Variants in NID2 observed in about 807,000 individuals in gnomAD.
The protein encoded by NID2 is nidogen 2.
In NID2, 83 loss-of-function variants were observed where a neutral mutation model predicts 145.4. The ratio of observed to expected loss-of-function variants is 0.57; its 90% confidence interval spans 0.48 to 0.69. The LOEUF (loss-of-function observed/expected upper bound fraction) is 0.69. NID2 is among the 30% of genes least tolerant of loss of function. The pLI, the probability that NID2 is intolerant of heterozygous loss-of-function variation, is 0.00. For missense variants in NID2, 1,807 were observed against 1,765.7 expected (o/e 1.02, Z -0.42); for synonymous variants, 739 against 701.3 (o/e 1.05, Z -0.85).
chr14:52,068,835 C>T lies in NID2; in HGVS notation c.160G>A (p.Glu54Lys). The change falls in exon 1 of 22, where the codon GAA becomes AAA. Residue 54 changes from glutamate to lysine, a missense_variant. Transcript: ENST00000216286. ...GDQLLQEGDD[E>K]SSAVVKLANP... ...GCCAGCTTCACCACGGCTGAGCTTTCGTCGTCGCCTTCCTGCAGGAGCTGG... is the reference window on the plus strand; with the variant it reads ...GCCAGCTTCACCACGGCTGAGCTTTTGTCGTCGCCTTCCTGCAGGAGCTGG... 2.5e-6 allele frequency: 4 copies of T among 1,612,636 alleles called. No individual in the cohort carries two copies. The highest frequency in any genetic ancestry group is 3.4e-6 in the Non-Finnish European group (4 of 1,180,006).
chr14:52,057,671 C>G (rs1253148798), intron 3 of NID2, among the ~76,000 whole-genome samples: 1 of 133,046 alleles, frequency 7.5e-6, no homozygotes, highest in East Asian at 2.1e-4. Flanking sequence ...CCACTACACT[C>G]CAGCCTGGGC....
intron 18 of NID2, chr14:52,008,727 A>G (rs1890890198): frequency 1.3e-5 from 2 of 152,218 alleles, no homozygotes; most frequent in Non-Finnish European, 2.9e-5. Flanking sequence ...ATAGAAACAA[A>G]TACAGCTGTT....
intron 2 of NID2, 25 bp from the exon 3 acceptor site, chr14:52,060,381 A>AG (rs1892989056): frequency 9.3e-7 from 1 of 1,078,172 alleles, no homozygotes; most frequent in Non-Finnish European, 1.3e-6. Context: ...AAAAAAAAAG[A>AG]GAGAGAGAGA....
At chr14:52,046,108 G>A (rs1414559544) in intron 5 of NID2, among the ~76,000 whole-genome samples, 1 of 152,088 alleles carries the variant, frequency 6.6e-6, no homozygotes. Flanking sequence ...CGGATCACGA[G>A]GTCAGGAGAC....
At position 52,019,268 on chromosome 14, in the gene NID2, C is replaced by T. The variant is rs765187493; in HGVS notation, c.2821G>A (p.Glu941Lys). The T allele has an allele frequency of 1.3e-6, 2 of 1,597,254 alleles. No homozygotes were observed. The highest frequency in any genetic ancestry group is 2.2e-5 in the South Asian group (2 of 90,400). Residue 941 changes from glutamate (E) to lysine (K), a missense_variant, in exon 14 of 22, where the codon GAA becomes AAA. Transcript: ENST00000216286. ...PDSTSSLTPC[E>K]QQQRHAQAQY... ...GCCTGGGCATGGCGCTGCTGTTGTT[C>T]ACAGGGTGTCAGGCTTGAGGTGGAG...
At position 52,038,758 on chromosome 14, in the gene NID2, C is replaced by T. The variant is rs776745269; in HGVS notation, c.2246G>A (p.Gly749Asp). ...AAAGGAAACCTTACCTTTGACCGGG[C>T]CAATTTGATTGGTCACAGCAAATCT... ...VLRFAVTNQIGPVKEDSDPTP... is the reference protein window; with the variant it reads ...VLRFAVTNQIDPVKEDSDPTP... The change falls in exon 9 of 22, where the codon GGC (glycine) becomes GAC (aspartate). Residue 749 changes from glycine to aspartate, a missense_variant. Coordinates refer to ENST00000216286, the MANE Select transcript of NID2 (RefSeq NM_007361.4). The T allele has an allele frequency of 1.6e-5, 26 of 1,575,926 alleles. No homozygotes were observed. The highest frequency in any genetic ancestry group is 2.2e-5 in the Non-Finnish European group (26 of 1,161,896).
rs374609101 is a variant in NID2 at position 52,039,729 on chromosome 14, A to G, written c.2027-752T>C. 1.1e-4 allele frequency among the ~76,000 whole-genome samples: 16 copies of G among 152,380 alleles called. No homozygotes were observed. In the East Asian group the frequency reaches 3.1e-3, roughly 29 times the overall value. On this transcript the variant is annotated intron_variant, in intron 8 of 21. Transcript: ENST00000216286. ...TGGAGGCAGCATCCTGTGCGCAGGT[A>G]GTACTTTCACAGAACACATCACGCT...
chr14:52,011,896 G>T, intron 16 of NID2: 1 of 534,942 alleles, frequency 1.9e-6, no homozygotes, highest in South Asian at 2.3e-5. Context: ...ACCTCTATGC[G>T]TTTGTCTCAT....
rs750222305 is a variant in NID2 at position 52,019,053 on chromosome 14, A to G, written c.3028+8T>C. 6 of 1,609,590 alleles carry G rather than the reference A, an allele frequency of 3.7e-6. No homozygotes were observed. The highest frequency in any genetic ancestry group is 5.1e-6 in the Non-Finnish European group (6 of 1,176,484). ...ATTCTGCTTCTTGAGCCCCAGGCCT[A>G]AGCTCACCTGGTGATGGTCCACAGT... On this transcript the variant is annotated splice_region_variant and intron_variant, in intron 14 of 21. Transcript: ENST00000216286.
At chr14:52,022,499 CT>C (rs1471828838) in intron 12 of NID2, among the ~76,000 whole-genome samples, 1 of 152,168 alleles carries the variant, frequency 6.6e-6, no homozygotes, top group African/African-American at 2.4e-5. Context: ...TTTCAGCCCC[CT>C]GGCAAGGGAG....
Position 52,017,332 on chromosome 14 carries a change from G to A in NID2, c.3028+1729C>T, listed in dbSNP as rs375941024. On this transcript the variant is annotated intron_variant, in intron 14 of 21. Transcript: ENST00000216286. ...TTCTCTTGTGCTTCTGGTTGGCAAG[G>A]GTTTAAGTATTTTGAAATTGTGGGC... is the stretch of plus-strand genomic sequence containing the variant. 1.7e-3 allele frequency among the ~76,000 whole-genome samples: 261 copies of A among 152,142 alleles called. 2 individuals are homozygous for A. Among genetic ancestry groups the A allele is most frequent in the African/African-American group, 5.6e-3 (232 of 41,478 alleles).
In NID2 at chr14:52,007,907, A is replaced by G. The variant is rs1052510124; in HGVS notation, c.3783T>C (p.Asp1261=). The G allele has an allele frequency of 3.1e-6, 5 of 1,613,934 alleles. No individual in the cohort carries two copies. The highest frequency in any genetic ancestry group is 1.3e-5 in the African/African-American group (1 of 75,046). Residue 1261 remains aspartate (D), a synonymous_variant, in exon 19 of 22, where the codon GAT becomes GAC. Transcript: ENST00000216286. ...TGATCAGAATTCTTCTGTTTTCTCC[A>G]TCTAAAGATGACGTTTCAATTTTAG... ...EAPKIETSSL[D]GENRRILINT...
intron 20 of NID2, chr14:52,006,296 C>CTT (rs2140337623): frequency 2.2e-6 from 1 of 461,620 alleles, no homozygotes; most frequent in South Asian, 2.7e-5. Context: ...AGCTTTGCTA[C>CTT]TTTTTAAGCT....
At chr14:52,029,222 G>C (rs1405412790) in intron 10 of NID2, among the ~76,000 whole-genome samples, 2 of 152,074 alleles carry the variant, frequency 1.3e-5, no homozygotes, top group East Asian at 3.9e-4. Context: ...AAGAAAATCA[G>C]AAAATGTGCT....
intron 9 of NID2, among the ~76,000 whole-genome samples, chr14:52,034,456 AC>A (rs1324398382): frequency 6.6e-6 from 1 of 152,234 alleles, no homozygotes; most frequent in African/African-American, 2.4e-5. Context: ...TTTCTAATTT[AC>A]ATGTTCCTCT....
intron 5 of NID2, among the ~76,000 whole-genome samples, chr14:52,051,963 C>T (rs1892694959): frequency 6.6e-6 from 1 of 152,122 alleles, no homozygotes; most frequent in Admixed American, 6.5e-5. Flanking sequence ...CTCTCAGAGC[C>T]CAAAGCAGGG....
At position 52,068,018 on chromosome 14, in the gene NID2, C is replaced by A; in HGVS notation, c.374G>T (p.Arg125Leu). ...CAGCACTGCGGGGGAGGTGTCCTCT[C>A]GGTACAGGACTCGGCCTCTGCCGTG... is the stretch of plus-strand genomic sequence containing the variant. The part of the protein sequence containing the change: ...TSHGRGRVLY[R>L]EDTSPAVLGL... The change falls in exon 2 of 22, where the codon CGA becomes CTA. Residue 125 changes from arginine to leucine, a missense_variant. Transcript: ENST00000216286. 1 of 1,613,026 alleles carries A rather than the reference C, an allele frequency of 6.2e-7. No homozygotes were observed. The highest frequency in any genetic ancestry group is 8.5e-7 in the Non-Finnish European group (1 of 1,179,382).
rs1378167185 is a variant in NID2, at chr14:52,067,918, G to A, written c.474C>T (p.Ala158=). Residue 158 remains alanine, a synonymous_variant, in exon 2 of 22, where the codon GCC becomes GCT. Transcript: ENST00000216286. The part of the protein sequence containing the change: ...ARFTPTHAFL[A]TWEQVGAYEE... ...CGTAAGCGCCTACCTGCTCCCAGGT[G>A]GCCAGGAAGGCGTGGGTGGGGGTAA... The A allele has an allele frequency of 1.2e-6, 2 of 1,612,700 alleles. No individual in the cohort carries two copies. The highest frequency in any genetic ancestry group is 3.3e-5 in the Admixed American group (2 of 59,762).
intron 20 of NID2, 145 bp downstream of exon 20, chr14:52,006,392 T>C (rs918171480): frequency 1.2e-6 from 1 of 813,698 alleles, no homozygotes; most frequent in Non-Finnish European, 2.0e-6. Flanking sequence ...CCTTGAAGGA[T>C]CTTATCTGCC....
Sources: allele counts gnomAD v4.1 joint callset (sites outside exome capture counted in the v4.1 genomes callset), GRCh38; gene constraint gnomAD v4.1.1; transcripts MANE v1.5; gene names NCBI Gene and HGNC (gene_info 2026-07-23, HGNC 2026-07-21).